Variants in PHEX observed in about 807,000 individuals in gnomAD.
PHEX encodes phosphate regulating endopeptidase X-linked.
A neutral mutation model predicts 68.0 loss-of-function variants in PHEX; 16 were observed. The ratio of observed to expected loss-of-function variants is 0.24; its 90% CI spans 0.16 to 0.36. The LOEUF is 0.36. Ranked by LOEUF, PHEX falls within the 10% of genes least tolerant of loss-of-function variation. The pLI, the probability that PHEX is intolerant of heterozygous loss-of-function variation, is 1.00. For synonymous variants in PHEX, 208 were observed against 205.1 expected, an observed-to-expected ratio of 1.01 and a Z score of -0.12; for missense variants, 480 against 575.5, an observed-to-expected ratio of 0.83 and a Z score of 1.70.
chrX:22,041,265 CTATATATATATATATATA>C (rs556410356), intron 2 of PHEX, among the ~76,000 whole-genome samples: 3 of 72,825 alleles, frequency 4.1e-5, no homozygotes, highest in South Asian at 7.1e-4. Context: ...CTCTCTCTCT[CTATATATATATATATATA>C]TATATATATA....
chrX:22,043,213 T>G lies in PHEX; in HGVS notation c.188-3837T>G, dbSNP rs543330267. Among the ~76,000 whole-genome samples, 5 of 112,388 alleles carry G rather than the reference T, an allele frequency of 4.4e-5. No individual in the cohort carries two copies. In the South Asian group the frequency reaches 1.8e-3, roughly 41 times the overall value. ...GATTGTGGAATTACAGTTCCCAGAT[T>G]TAGCTAACTACATACATACGTACAT... is the stretch of plus-strand genomic sequence containing the variant. On this transcript the variant is annotated intron_variant, in intron 2 of 21. Transcript: ENST00000379374.
At chrX:22,048,963 C>G (rs1198395071) in intron 3 of PHEX, among the ~76,000 whole-genome samples, 1 of 111,814 alleles carries the variant, frequency 8.9e-6, no homozygotes, top group Non-Finnish European at 1.9e-5. Context: ...ACTTCATATG[C>G]ACACCTATAT....
In PHEX at chrX:22,145,033, G is replaced by A. The variant is rs182511217; in HGVS notation, c.1404+11409G>A. Reference sequence around the variant, plus strand: ...TTAGATTCAGGTTCAATTTTCTTTGGATAAGAAGACTTCATAGGCAGTGCT... The same window carrying A: ...TTAGATTCAGGTTCAATTTTCTTTGAATAAGAAGACTTCATAGGCAGTGCT... On this transcript the variant is annotated intron_variant, in intron 12 of 21. Coordinates refer to ENST00000379374, the MANE Select transcript of PHEX (RefSeq NM_000444.6). Among the ~76,000 whole-genome samples the A allele has an allele frequency of 5.0e-4, 56 of 111,704 alleles. 1 individual carries two copies. The Admixed American group carries it at 5.1e-3, about 10-fold the overall frequency.
At chrX:22,037,254 A>C (rs1314666537) in intron 1 of PHEX, among the ~76,000 whole-genome samples, 1 of 111,062 alleles carries the variant, frequency 9.0e-6, no homozygotes, top group Non-Finnish European at 1.9e-5. Flanking sequence ...TGGGTTAATA[A>C]ATAATAAAAA....
intron 11 of PHEX, among the ~76,000 whole-genome samples, chrX:22,119,220 C>T (rs900169275): frequency 8.9e-6 from 1 of 112,012 alleles, no homozygotes; most frequent in Non-Finnish European, 1.9e-5. Context: ...TTTTCTCCCT[C>T]CTTACCTCCC....
At chrX:22,188,113 T>A (rs1288844121) in intron 14 of PHEX, among the ~76,000 whole-genome samples, 1 of 112,229 alleles carries the variant, frequency 8.9e-6, no homozygotes, top group Non-Finnish European at 1.9e-5. Flanking sequence ...GGAGAAGGTA[T>A]GAGTTTACCA....
intron 3 of PHEX, among the ~76,000 whole-genome samples, chrX:22,070,190 G>A (rs760156912): frequency 9.0e-6 from 1 of 111,652 alleles, no homozygotes; most frequent in Admixed American, 9.5e-5. Flanking sequence ...AAAAATCTAG[G>A]TCTAGAGAAC....
chrX:22,192,509 G>A (rs73446730), intron 15 of PHEX, among the ~76,000 whole-genome samples: 1,586 of 111,504 alleles, frequency 0.014, 32 homozygotes, highest in African/African-American at 0.048. Flanking sequence ...TGGCCTTAAG[G>A]TCTGTTATCT....
At chrX:22,131,102 T>C (rs771866849) in intron 11 of PHEX, among the ~76,000 whole-genome samples, 5 of 110,664 alleles carry the variant, frequency 4.5e-5, no homozygotes, top group Non-Finnish European at 7.6e-5. Flanking sequence ...TGCAGTGGTG[T>C]AATCTCAGCT....
At chrX:22,040,033 G>C (rs991783924) in intron 2 of PHEX, among the ~76,000 whole-genome samples, 1 of 111,737 alleles carries the variant, frequency 8.9e-6, no homozygotes, top group Admixed American at 9.4e-5. Flanking sequence ...CGGCGGTGGG[G>C]AGGTGAGGGG....
chrX:22,114,429 G>A, intron 10 of PHEX, 29 bp from the exon 11 acceptor site: 1 of 1,196,156 alleles, frequency 8.4e-7, no homozygotes, highest in South Asian at 1.8e-5. Context: ...TCCAAATGAA[G>A]TTTAATCTGG....
At chrX:22,189,484 C>A (rs1227306987) in intron 14 of PHEX, among the ~76,000 whole-genome samples, 1 of 111,618 alleles carries the variant, frequency 9.0e-6, no homozygotes, top group African/African-American at 3.3e-5. Flanking sequence ...CGCCTGTAGT[C>A]CCAGAACTTT....
intron 20 of PHEX, among the ~76,000 whole-genome samples, chrX:22,241,899 G>C (rs1002981554): frequency 8.9e-6 from 1 of 112,175 alleles, no homozygotes. Flanking sequence ...ACAATAGAAA[G>C]AGAGGGAACC....
intron 11 of PHEX, among the ~76,000 whole-genome samples, chrX:22,130,585 G>A (rs1049290684): frequency 4.7e-5 from 5 of 106,627 alleles, no homozygotes; most frequent in African/African-American, 1.0e-4. Context: ...TAGGCATGCT[G>A]ATAGGCAAAA....
chrX:22,224,993 G>GAT, intron 18 of PHEX, among the ~76,000 whole-genome samples: 39 of 98,992 alleles, frequency 3.9e-4, no homozygotes, highest in African/African-American at 5.2e-4. Flanking sequence ...AGCTCTGTAT[G>GAT]TCAGAAGTCT....
intron 4 of PHEX, 145 bp from the exon 5 acceptor site, chrX:22,077,331 C>T: frequency 1.8e-6 from 1 of 542,508 alleles, no homozygotes; most frequent in Non-Finnish European, 3.3e-6. Flanking sequence ...GCTCATCCCA[C>T]CCCACCTCTT....
intron 12 of PHEX, among the ~76,000 whole-genome samples, chrX:22,165,219 G>T (rs781207186): frequency 3.6e-5 from 4 of 111,811 alleles, no homozygotes; most frequent in Non-Finnish European, 7.5e-5. Context: ...CGTGTTTGGG[G>T]TTGCCTAGGT....
chrX:22,222,135 A>C (rs1228157101), intron 18 of PHEX, among the ~76,000 whole-genome samples: 2 of 112,129 alleles, frequency 1.8e-5, no homozygotes, highest in Non-Finnish European at 3.8e-5. Context: ...ACCACTGCTC[A>C]TTCAGGCAGA....
chrX:22,052,309 C>T (rs1390770121), intron 3 of PHEX, among the ~76,000 whole-genome samples: 1 of 112,522 alleles, frequency 8.9e-6, no homozygotes, highest in Non-Finnish European at 1.9e-5. Flanking sequence ...CTCACTGCAA[C>T]CTCTGCCTTT....
Sources: allele counts gnomAD v4.1 joint callset (sites outside exome capture counted in the v4.1 genomes callset), GRCh38; gene constraint gnomAD v4.1.1; transcripts MANE v1.5; gene names NCBI Gene and HGNC (gene_info 2026-07-23, HGNC 2026-07-21).